The following HECW2 variants were observed in gnomAD, a reference collection of about 807,000 sequenced individuals.
The protein encoded by HECW2 is HECT, C2 and WW domain containing E3 ubiquitin protein ligase 2.
In HECW2, 61 loss-of-function variants were observed where a neutral mutation model predicts 175.2. The ratio of observed to expected loss-of-function variants is 0.35; its 90% CI spans 0.28 to 0.43. The LOEUF (loss-of-function observed/expected upper bound fraction) is 0.43. Ranked by LOEUF, HECW2 falls within the 20% of genes least tolerant of loss-of-function variation. The pLI is 1.00. For synonymous variants in HECW2, 671 were observed against 731.0 expected, an observed-to-expected ratio of 0.92 and a Z score of 1.32; for missense variants, 1,524 against 2,000.5, an observed-to-expected ratio of 0.76 and a Z score of 4.54.
chr2:196,227,975 G>C (rs1180978697), intron 22 of HECW2, 127 bp downstream of exon 22: 1 of 753,618 alleles, frequency 1.3e-6, no homozygotes, highest in Non-Finnish European at 2.1e-6. Context: ...AGTCAAATGA[G>C]GTATTTAACT....
intron 14 of HECW2, among the ~76,000 whole-genome samples, chr2:196,286,716 A>T (rs1329664815): frequency 3.3e-5 from 5 of 152,234 alleles, no homozygotes; most frequent in African/African-American, 9.6e-5. Context: ...CAACAGCTAG[A>T]TTGCTGCATA....
At chr2:196,233,291 G>T (rs888399524) in intron 21 of HECW2, among the ~76,000 whole-genome samples, 4 of 152,144 alleles carry the variant, frequency 2.6e-5, no homozygotes, top group African/African-American at 9.7e-5. Flanking sequence ...CTCCAGGGTG[G>T]CCATGTAGTC....
chr2:196,483,458 C>T (rs894049304), intron 1 of HECW2, among the ~76,000 whole-genome samples: 1 of 152,138 alleles, frequency 6.6e-6, no homozygotes, highest in Non-Finnish European at 1.5e-5. Flanking sequence ...TCTAACCCTG[C>T]TGAGTGGGAC....
At chr2:196,334,871 T>C (rs1382785229) in intron 3 of HECW2, among the ~76,000 whole-genome samples, 2 of 152,182 alleles carry the variant, frequency 1.3e-5, no homozygotes, top group African/African-American at 2.4e-5. Context: ...CACAGAACCT[T>C]GGGAGGCAGA....
chr2:196,369,244 G>T (rs79164677), intron 2 of HECW2, among the ~76,000 whole-genome samples: 2 of 152,010 alleles, frequency 1.3e-5, no homozygotes, highest in Non-Finnish European at 2.9e-5. Context: ...ACTCCTATAG[G>T]TACCACCTTG....
At chr2:196,201,449 GGTGTGT>G (rs369701554) in intron 28 of HECW2, 61 bp from the exon 29 acceptor site, 6 of 1,000,930 alleles carry the variant, frequency 6.0e-6, no homozygotes, top group South Asian at 4.1e-5. Context: ...AAATGTGTGT[GGTGTGT>G]GTGTGTGTGT....
chr2:196,325,268 A>T (rs1692106356), intron 5 of HECW2, 119 bp from the exon 6 acceptor site: 1 of 652,858 alleles, frequency 1.5e-6, no homozygotes, highest in Non-Finnish European at 2.5e-6. Context: ...TGTCCTGATT[A>T]GAACAAGCAG....
rs78358977 is a variant in HECW2, at chr2:196,535,638, G to A, written c.-36+57870C>T. On this transcript the variant is annotated intron_variant, in intron 1 of 28. Coordinates refer to ENST00000644978, the MANE Select transcript of HECW2 (RefSeq NM_001348768.2). ...CTGTGGCACAGTCGACCCTAAATGT[G>A]TACATAATAGTCCTGGATATTCTCT... Among the ~76,000 whole-genome samples the A allele has an allele frequency of 7.2e-3, 1,097 of 152,242 alleles. 21 individuals carry two copies. The highest frequency in any genetic ancestry group is 0.025 in the African/African-American group (1,052 of 41,538).
chr2:196,259,938 T>A (rs1243052642), intron 17 of HECW2: 2 of 152,198 alleles, frequency 1.3e-5, no homozygotes, highest in Admixed American at 6.5e-5. Context: ...CTTTTGTCTA[T>A]CAACACAGTG....
intron 1 of HECW2, among the ~76,000 whole-genome samples, chr2:196,540,435 C>CT (rs757731374): frequency 4.6e-5 from 7 of 151,720 alleles, no homozygotes; most frequent in African/African-American, 1.7e-4. Flanking sequence ...ATTTTTCTTT[C>CT]TTTTTTTTAT....
rs78954684 is a variant in HECW2, at chr2:196,458,414, T to C, written c.-35-24956A>G. Reference sequence around the variant, plus strand: ...TGGGAGTCTCTGGATCTTAACTGTTTCTCTCTCTCCCTCTCACTCACTCAC... The same window carrying C: ...TGGGAGTCTCTGGATCTTAACTGTTCCTCTCTCTCCCTCTCACTCACTCAC... On this transcript the variant is annotated intron_variant, in intron 1 of 28. Transcript: ENST00000644978. 9.2e-3 allele frequency among the ~76,000 whole-genome samples: 1,360 copies of C among 147,286 alleles called. 21 individuals are homozygous for C. The highest frequency in any genetic ancestry group is 0.031 in the African/African-American group (1,246 of 40,846).
intron 2 of HECW2, among the ~76,000 whole-genome samples, chr2:196,411,660 C>A (rs1242387786): frequency 1.3e-5 from 2 of 152,226 alleles, no homozygotes; most frequent in Non-Finnish European, 2.9e-5. Context: ...GCCAACAAGG[C>A]CTTAAAGCTC....
intron 17 of HECW2, among the ~76,000 whole-genome samples, chr2:196,268,127 A>G (rs1321795210): frequency 6.6e-6 from 1 of 152,252 alleles, no homozygotes; most frequent in African/African-American, 2.4e-5. Flanking sequence ...TCTCTTAGAT[A>G]TACAAACTTC....
chr2:196,238,652 T>C (rs1559456229), intron 21 of HECW2: 2 of 152,128 alleles, frequency 1.3e-5, no homozygotes, highest in East Asian at 1.9e-4. Flanking sequence ...GATTAAGAAA[T>C]TGTCCCTGCT....
intron 1 of HECW2, among the ~76,000 whole-genome samples, chr2:196,436,109 C>T (rs1369909434): frequency 6.6e-6 from 1 of 152,120 alleles, no homozygotes; most frequent in African/African-American, 2.4e-5. Flanking sequence ...GAGCCATTCC[C>T]TGGTCTTCGA....
At chr2:196,381,696 T>C (rs56199854) in intron 2 of HECW2, among the ~76,000 whole-genome samples, 9,173 of 152,148 alleles carry the variant, frequency 0.06, 308 homozygotes, top group Middle Eastern at 0.17. Flanking sequence ...AACATCCCCA[T>C]GATAAGGTTC....
At chr2:196,558,752 G>C (rs1689893443) in intron 1 of HECW2, among the ~76,000 whole-genome samples, 1 of 152,228 alleles carries the variant, frequency 6.6e-6, no homozygotes, top group South Asian at 2.1e-4. Context: ...GAAGGCCTGT[G>C]TCTGCCACAG....
intron 6 of HECW2, 38 bp from the exon 7 acceptor site, chr2:196,322,658 A>G (rs762721661): frequency 1.3e-6 from 2 of 1,563,928 alleles, no homozygotes; most frequent in South Asian, 2.3e-5. Flanking sequence ...GTTTAAAAGA[A>G]AGACAAATAT....
intron 16 of HECW2, 30 bp downstream of exon 16, chr2:196,273,991 A>G (rs755184539): frequency 6.8e-7 from 1 of 1,472,048 alleles, no homozygotes; most frequent in Non-Finnish European, 9.5e-7. Flanking sequence ...GCACAAAAGG[A>G]CAGATGATTT....
Sources: gnomAD v4.1 joint callset for allele counts (sites outside exome capture counted in the v4.1 genomes callset) on GRCh38, gnomAD v4.1.1 for gene constraint, MANE v1.5 for transcripts, NCBI Gene and HGNC (gene_info 2026-07-23, HGNC 2026-07-21) for gene names.